PPP2R1A: variants seen among roughly 807,000 people sequenced by gnomAD.
The protein encoded by PPP2R1A is serine/threonine-protein phosphatase 2A 65 kDa regulatory subunit A alpha isoform.
A neutral mutation model predicts 67.1 loss-of-function variants in PPP2R1A; 15 were observed. The ratio of observed to expected loss-of-function variants is 0.22; its 90% CI spans 0.15 to 0.34. PPP2R1A has a LOEUF of 0.34. Ranked by LOEUF, PPP2R1A falls within the 10% of genes least tolerant of loss-of-function variation. The probability of loss-of-function intolerance (pLI) is 1.00; values close to 1 mark genes in which losing one functional copy is unlikely to be tolerated. For missense variants in PPP2R1A, 369 were observed against 775.0 expected (o/e 0.48, Z 6.22); for synonymous variants, 337 against 325.0 (o/e 1.04, Z -0.40).
Position 52,212,644 on chromosome 19 carries a change from C to A in PPP2R1A, c.504-42C>A. The A allele has an allele frequency of 6.2e-7, 1 of 1,602,816 alleles. No homozygotes were observed. The highest frequency in any genetic ancestry group is 1.1e-5 in the South Asian group (1 of 90,758). The stretch of plus-strand genomic sequence containing the variant: ...AGAGTCTGTGCTTGCTCCTCTCTGC[C>A]ATACTGCCTGCTGCCTCAGGATCCC... On this transcript the variant is annotated intron_variant, in intron 4 of 14. Transcript: ENST00000322088. The surrounding 1 kb of genome is among the most constrained non-coding windows in gnomAD (Gnocchi z 4.1).
At position 52,213,272 on chromosome 19, in the gene PPP2R1A, A is replaced by G. The variant is rs1236228400; in HGVS notation, c.807+162A>G. 2.0e-5 allele frequency among the ~76,000 whole-genome samples: 3 copies of G among 151,996 alleles called. No homozygotes were observed. The highest frequency in any genetic ancestry group is 6.6e-5 in the Admixed American group (1 of 15,262). ...TAACTGCGTCTCGCTTCGTGTGCCA[A>G]TCCTGGTTGATTGACATGGCATCTT... On this transcript the variant is annotated intron_variant, in intron 6 of 14. Coordinates refer to ENST00000322088, the MANE Select transcript of PPP2R1A (RefSeq NM_014225.6). The surrounding 1 kb of genome is among the most constrained non-coding windows in gnomAD (Gnocchi z 4.2).
rs181281393 is a variant in PPP2R1A, at chr19:52,202,177, A to G, written c.169+143A>G. ...CACTATGGAGTGGGAAAAGGGATTC[A>G]GAGAAGTGCAGTCTTGCTCTAAAAG... On this transcript the variant is annotated intron_variant, in intron 2 of 14. Transcript: ENST00000322088. 79 of 673,994 alleles carry G rather than the reference A, an allele frequency of 1.2e-4. No individual in the cohort carries two copies. In the African/African-American group the frequency reaches 1.3e-3, roughly 11 times the overall value. The allele number at this position is 673,994 out of a possible 1,614,324, so 41.8% of individuals were successfully genotyped here. A position where few individuals can be genotyped will look rare whatever the true frequency, so the allele number is the denominator to read the frequency against.
chr19:52,197,607 C>G (rs541012455), intron 1 of PPP2R1A, among the ~76,000 whole-genome samples: 3 of 152,156 alleles, frequency 2.0e-5, no homozygotes, highest in Non-Finnish European at 2.9e-5. Context: ...CCCGGGAGGT[C>G]AAGGCTACAG....
chr19:52,208,307 T>C (rs923369705), intron 3 of PPP2R1A, among the ~76,000 whole-genome samples: 1 of 151,874 alleles, frequency 6.6e-6, no homozygotes, highest in East Asian at 1.9e-4. Context: ...TAGCTGAGAT[T>C]ACAGGCGTGT....
In PPP2R1A at chr19:52,204,418, A is replaced by G. The variant is rs1177114973; in HGVS notation, c.170-1545A>G. On this transcript the variant is annotated intron_variant, in intron 2 of 14. Transcript: ENST00000322088. ...AGGTAAGAAGCTGTTGCAGTCTCCC[A>G]GGCGACAGCTAGTGATGATCAGAGT... Among the ~76,000 whole-genome samples the G allele has an allele frequency of 2.0e-5, 3 of 152,200 alleles. No individual in the cohort carries two copies. The East Asian group carries it at 5.8e-4, about 29-fold the overall frequency.
chr19:52,207,089 A>G (rs10403948), intron 3 of PPP2R1A, among the ~76,000 whole-genome samples: 2,136 of 152,306 alleles, frequency 0.014, 49 homozygotes, highest in African/African-American at 0.049. Flanking sequence ...TTAAATTCGG[A>G]TATCTCAGCC....
At position 52,219,768 on chromosome 19, in the gene PPP2R1A, G is replaced by C; in HGVS notation, c.1206G>C (p.Gln402His). 2 of 1,614,110 alleles carry C rather than the reference G, an allele frequency of 1.2e-6. No homozygotes were observed. The highest frequency in any genetic ancestry group is 2.2e-5 in the South Asian group (2 of 91,090). Reference sequence around the variant, plus strand: ...TGATTGGCATCCGGCAGCTGTCCCAGTCCCTGCTCCCTGCCATTGTGGAGC... The same window carrying C: ...TGATTGGCATCCGGCAGCTGTCCCACTCCCTGCTCCCTGCCATTGTGGAGC... Reference protein sequence around the residue: ...NEVIGIRQLSQSLLPAIVELA... With the variant: ...NEVIGIRQLSHSLLPAIVELA... The change falls in exon 10 of 15, where the codon CAG becomes CAC. Residue 402 changes from glutamine to histidine, a missense_variant. Physicochemically the swap from Gln to His is conservative, Grantham distance 24. Coordinates refer to ENST00000322088, the MANE Select transcript of PPP2R1A (RefSeq NM_014225.6). The surrounding 1 kb of genome is among the most constrained non-coding windows in gnomAD (Gnocchi z 4.0).
intron 12 of PPP2R1A, among the ~76,000 whole-genome samples, chr19:52,221,697 GCTTTTCCT>G (rs754470938): frequency 0.09 from 13,725 of 152,102 alleles, 718 homozygotes; most frequent in African/African-American, 0.14. Flanking sequence ...CTGTCTATTT[GCTTTTCCT>G]ACGATTATAA....
chr19:52,227,970 G>A lies in PPP2R1A; in HGVS notation c.*1989G>A, dbSNP rs887856348. On this transcript the variant is annotated 3_prime_UTR_variant, in exon 15 of 15. Coordinates refer to ENST00000322088, the MANE Select transcript of PPP2R1A (RefSeq NM_014225.6). Reference sequence around the variant, plus strand: ...CCCTGCCCCGACCTGCTCAGGCAGAGCCTTCATTTTAACAAGATGCCCAGG... The same window carrying A: ...CCCTGCCCCGACCTGCTCAGGCAGAACCTTCATTTTAACAAGATGCCCAGG... The A allele has an allele frequency of 1.3e-5, 2 of 152,192 alleles. No individual in the cohort carries two copies. The highest frequency in any genetic ancestry group is 4.8e-5 in the African/African-American group (2 of 41,442). 9.4% of individuals were successfully genotyped at this position (152,192 alleles called of 1,614,324 possible).
At chr19:52,218,248 C>T (rs1382618137) in intron 9 of PPP2R1A, among the ~76,000 whole-genome samples, 1 of 152,088 alleles carries the variant, frequency 6.6e-6, no homozygotes, top group Admixed American at 6.6e-5. Flanking sequence ...TTTTTATACA[C>T]AGGCGCCCAC....
intron 2 of PPP2R1A, among the ~76,000 whole-genome samples, chr19:52,203,115 C>T (rs867839513): frequency 6.6e-6 from 1 of 152,162 alleles, no homozygotes; most frequent in Non-Finnish European, 1.5e-5. Flanking sequence ...CTTACTTGGA[C>T]CTAGTGATGA....
intron 1 of PPP2R1A, chr19:52,200,327 G>A (rs542428359): frequency 6.6e-6 from 1 of 152,364 alleles, no homozygotes; most frequent in South Asian, 2.1e-4. Context: ...GAAATGAGGG[G>A]AGAGTTTCAC....
intron 1 of PPP2R1A, among the ~76,000 whole-genome samples, chr19:52,192,887 T>C (rs901699041): frequency 4.6e-5 from 7 of 152,172 alleles, no homozygotes; most frequent in Non-Finnish European, 1.0e-4. Flanking sequence ...TGTTCATCTG[T>C]CTGGAAGCTC....
intron 9 of PPP2R1A, among the ~76,000 whole-genome samples, chr19:52,217,250 G>A (rs936655612): frequency 6.6e-6 from 1 of 152,212 alleles, no homozygotes; most frequent in Non-Finnish European, 1.5e-5. Flanking sequence ...CCACACTGCA[G>A]TGCAGTGATG....
Position 52,226,229 on chromosome 19 carries a change from C to A in PPP2R1A, c.*248C>A, listed in dbSNP as rs1489039076. ...CCTTGGGAGGAAGGGGCTACTCCGC[C>A]CACGTCAGGGAGAGATGTGAGCATC... On this transcript the variant is annotated 3_prime_UTR_variant, in exon 15 of 15. Coordinates refer to ENST00000322088, the MANE Select transcript of PPP2R1A (RefSeq NM_014225.6). 6.9e-6 allele frequency: 4 copies of A among 582,314 alleles called. No individual in the cohort carries two copies. Among genetic ancestry groups the A allele is most frequent in the Non-Finnish European group, 1.2e-5 (4 of 331,430 alleles). 36.1% of individuals were successfully genotyped at this position (582,314 alleles called of 1,614,324 possible).
chr19:52,212,510 TG>T lies in PPP2R1A; in HGVS notation c.504-172del. Reference sequence around the variant, plus strand: ...TTCATTTAAACCTCATGCGGACCTGTGGGGTAGGTACTGTTACTATCAGCTC... The same window carrying T: ...TTCATTTAAACCTCATGCGGACCTGTGGGTAGGTACTGTTACTATCAGCTC... On this transcript the variant is annotated intron_variant, in intron 4 of 14. Coordinates refer to ENST00000322088, the MANE Select transcript of PPP2R1A (RefSeq NM_014225.6). The surrounding 1 kb of genome is among the most constrained non-coding windows in gnomAD (Gnocchi z 4.1). 1 of 668,214 alleles carries T rather than the reference TG, an allele frequency of 1.5e-6. No homozygotes were observed. Among genetic ancestry groups the T allele is most frequent in the Non-Finnish European group, 2.5e-6 (1 of 403,072 alleles). The allele number at this position is 668,214 out of a possible 1,614,324, so 41.4% of individuals were successfully genotyped here. A position where few individuals can be genotyped will look rare whatever the true frequency, so the allele number is the denominator to read the frequency against.
chr19:52,195,923 C>T (rs186643213), intron 1 of PPP2R1A, among the ~76,000 whole-genome samples: 44 of 152,194 alleles, frequency 2.9e-4, no homozygotes, highest in Non-Finnish European at 5.7e-4. Context: ...CCTTCAGCCC[C>T]TCTCCGATCC....
rs1279577436 is a variant in PPP2R1A at position 52,220,968 on chromosome 19, C to T, written c.1364-11C>T. 6.2e-7 allele frequency: 1 copy of T among 1,614,018 alleles called. No homozygotes were observed. The highest frequency in any genetic ancestry group is 2.2e-5 in the East Asian group (1 of 44,878). On this transcript the variant is annotated splice_polypyrimidine_tract_variant and intron_variant, in intron 11 of 14. Coordinates refer to ENST00000322088, the MANE Select transcript of PPP2R1A (RefSeq NM_014225.6). ...CAAATCCCTGTCTCTCTCACCCTCA[C>T]CCTTCTGCAGTATATGCCATCCGCG...
rs1426178321 is a variant in PPP2R1A, at chr19:52,226,399, GAAAT to G, written c.*422_*425del. 6.7e-6 allele frequency: 2 copies of G among 297,030 alleles called. No individual in the cohort carries two copies. The highest frequency in any genetic ancestry group is 2.1e-5 in the African/African-American group (1 of 46,846). 18.4% of individuals were successfully genotyped at this position (297,030 alleles called of 1,614,324 possible). ...CTTTTATTTTCCCCCTTTTCACAGAGAAATAAAGGTCTAGAAGTAGTTGGTCCTC... is the reference window on the plus strand; with the variant it reads ...CTTTTATTTTCCCCCTTTTCACAGAGAAAGGTCTAGAAGTAGTTGGTCCTC... On this transcript the variant is annotated 3_prime_UTR_variant, in exon 15 of 15. Coordinates refer to ENST00000322088, the MANE Select transcript of PPP2R1A (RefSeq NM_014225.6).
Sources: allele counts gnomAD v4.1 joint callset (sites outside exome capture counted in the v4.1 genomes callset), GRCh38; gene constraint gnomAD v4.1.1; non-coding constraint Gnocchi (gnomAD v3.1); transcripts MANE v1.5; gene names NCBI Gene and HGNC (gene_info 2026-07-23, HGNC 2026-07-21).